ENOX1: variants seen among roughly 807,000 people sequenced by gnomAD.
ENOX1 encodes candidate growth-related and time keeping constitutive hydroquinone (NADH) oxidase.
Under a neutral mutation model 82.5 loss-of-function variants are expected in ENOX1, and 42 were observed. The ratio of observed to expected loss-of-function variants is 0.51; its 90% CI spans 0.40 to 0.66. The LOEUF (loss-of-function observed/expected upper bound fraction) is 0.66, where lower values mean the gene tolerates loss of function less well. Among genes scored for constraint, ENOX1 ranks in the 30% least tolerant of loss-of-function variants. The pLI is 0.00. For synonymous variants in ENOX1, 271 were observed against 282.2 expected (o/e 0.96, Z 0.40); for missense variants, 608 against 811.6 (o/e 0.75, Z 3.05).
intron 2 of ENOX1, among the ~76,000 whole-genome samples, chr13:43,651,501 G>A (rs2084167676): frequency 1.3e-5 from 2 of 151,394 alleles, no homozygotes; most frequent in South Asian, 4.2e-4. Context: ...TTCAAGATCA[G>A]CCTGGCCGAC....
intron 5 of ENOX1, among the ~76,000 whole-genome samples, chr13:43,383,853 C>G (rs1297053416): frequency 5.9e-5 from 9 of 152,202 alleles, no homozygotes; most frequent in Non-Finnish European, 4.4e-5. Context: ...TGGACACCAC[C>G]CTGCAGGTTA....
intron 3 of ENOX1, among the ~76,000 whole-genome samples, chr13:43,465,193 T>A (rs962232581): frequency 1.3e-5 from 2 of 152,200 alleles, no homozygotes; most frequent in African/African-American, 4.8e-5. Context: ...GAGGGTAAGC[T>A]TCACTATCTG....
intron 2 of ENOX1, among the ~76,000 whole-genome samples, chr13:43,635,652 A>T (rs1399467142): frequency 6.6e-6 from 1 of 152,176 alleles, no homozygotes; most frequent in East Asian, 1.9e-4. Context: ...AATATGATGT[A>T]TATCAGGATT....
intron 9 of ENOX1, among the ~76,000 whole-genome samples, chr13:43,344,094 G>A (rs1347570699): frequency 2.0e-5 from 3 of 152,212 alleles, no homozygotes; most frequent in Non-Finnish European, 2.9e-5. Flanking sequence ...AAGATCCTGA[G>A]GAGTTTTTCT....
At chr13:43,375,775 C>T (rs933427136) in intron 5 of ENOX1, among the ~76,000 whole-genome samples, 1 of 152,210 alleles carries the variant, frequency 6.6e-6, no homozygotes, top group South Asian at 2.1e-4. Context: ...GCCCCAGCCA[C>T]ACTTTCAATA....
chr13:43,286,524 G>T (rs1166033010), intron 12 of ENOX1, among the ~76,000 whole-genome samples: 1 of 152,172 alleles, frequency 6.6e-6, no homozygotes, highest in Non-Finnish European at 1.5e-5. Flanking sequence ...GCAAAAAGCA[G>T]AAGTCAAATG....
intron 1 of ENOX1, among the ~76,000 whole-genome samples, chr13:43,761,398 TGAAATTACTTCA>T (rs1317176089): frequency 6.6e-6 from 1 of 152,222 alleles, no homozygotes; most frequent in African/African-American, 2.4e-5. Flanking sequence ...CCAAACACCT[TGAAATTACTTCA>T]GATAAATGCA....
chr13:43,418,298 C>T lies in ENOX1; in HGVS notation c.-74-5310G>A, dbSNP rs746387054. On this transcript the variant is annotated intron_variant, in intron 3 of 16. Transcript: ENST00000690772. ...ATCCCAGCACTTTGGGAGGTGGAGG[C>T]GGGCCAATCACCTGAGGTCAGGTGT... Among the ~76,000 whole-genome samples the T allele has an allele frequency of 7.2e-5, 11 of 152,272 alleles. 1 individual carries two copies. The highest frequency in any genetic ancestry group is 3.9e-4 in the East Asian group (2 of 5,176).
At chr13:43,292,846 G>A (rs1223695558) in intron 12 of ENOX1, among the ~76,000 whole-genome samples, 2 of 151,502 alleles carry the variant, frequency 1.3e-5, no homozygotes, top group Non-Finnish European at 2.9e-5. Context: ...TACCATCACA[G>A]TCACCATTTC....
At chr13:43,732,474 T>C (rs2089402741) in intron 1 of ENOX1, among the ~76,000 whole-genome samples, 1 of 152,182 alleles carries the variant, frequency 6.6e-6, no homozygotes, top group Admixed American at 6.5e-5. Flanking sequence ...ACAATTCACT[T>C]CATTTTCTAC....
chr13:43,631,595 G>A (rs561726616), intron 2 of ENOX1, among the ~76,000 whole-genome samples: 1 of 152,226 alleles, frequency 6.6e-6, no homozygotes, highest in African/African-American at 2.4e-5. Flanking sequence ...AAGAACCCCT[G>A]TCTGCTAATT....
chr13:43,575,544 A>G (rs980007748), intron 2 of ENOX1, among the ~76,000 whole-genome samples: 19 of 152,324 alleles, frequency 1.2e-4, no homozygotes, highest in African/African-American at 4.3e-4. Context: ...AACTTGTTTT[A>G]TTAAACTGTT....
At chr13:43,477,337 T>TA (rs2058330430) in intron 3 of ENOX1, among the ~76,000 whole-genome samples, 1 of 152,066 alleles carries the variant, frequency 6.6e-6, no homozygotes, top group Admixed American at 6.6e-5. Context: ...GGTGAATACA[T>TA]ACGCTTTGCT....
At chr13:43,245,948 C>T (rs1044175859) in intron 14 of ENOX1, among the ~76,000 whole-genome samples, 17 of 152,196 alleles carry the variant, frequency 1.1e-4, no homozygotes, top group South Asian at 2.1e-4. Flanking sequence ...TTAAAATAGG[C>T]GAGAACTAGT....
At position 43,516,003 on chromosome 13, in the gene ENOX1, C is replaced by T. The variant is rs190570811; in HGVS notation, c.-218-31851G>A. Among the ~76,000 whole-genome samples the T allele has an allele frequency of 6.6e-5, 10 of 152,260 alleles. No homozygotes were observed. In the East Asian group the frequency reaches 1.9e-3, roughly 29 times the overall value. On this transcript the variant is annotated intron_variant, in intron 2 of 16. Coordinates refer to ENST00000690772, the MANE Select transcript of ENOX1 (RefSeq NM_001347969.2). ...ATTATACTAACCTATACCTGCAAATCTAAGCCTATTTTCCACAGGAAACTA... is the reference window on the plus strand; with the variant it reads ...ATTATACTAACCTATACCTGCAAATTTAAGCCTATTTTCCACAGGAAACTA...
chr13:43,362,156 T>TACACACACACACAC (rs10531058), intron 5 of ENOX1, among the ~76,000 whole-genome samples: 5 of 145,746 alleles, frequency 3.4e-5, no homozygotes, highest in African/African-American at 1.3e-4. Flanking sequence ...TGCCCTGTAT[T>TACACACACACACAC]ACACACACAC....
intron 2 of ENOX1, among the ~76,000 whole-genome samples, chr13:43,536,466 A>G (rs1036302137): frequency 3.9e-5 from 6 of 152,184 alleles, no homozygotes; most frequent in African/African-American, 1.4e-4. Context: ...TAATACAAAA[A>G]TCCCATACTT....
intron 5 of ENOX1, among the ~76,000 whole-genome samples, chr13:43,383,617 C>T (rs759634589): frequency 7.2e-5 from 11 of 152,052 alleles, no homozygotes; most frequent in South Asian, 6.2e-4. Context: ...TACTCAAAGG[C>T]GACAGACCCC....
chr13:43,670,215 G>A (rs1163987229), intron 1 of ENOX1, among the ~76,000 whole-genome samples: 4 of 152,080 alleles, frequency 2.6e-5, no homozygotes, highest in East Asian at 3.9e-4. Flanking sequence ...GAAGATTATC[G>A]TAATATAGAA....
Sources: gnomAD v4.1 joint callset for allele counts (sites outside exome capture counted in the v4.1 genomes callset) on GRCh38, gnomAD v4.1.1 for gene constraint, MANE v1.5 for transcripts, NCBI Gene and HGNC (gene_info 2026-07-23, HGNC 2026-07-21) for gene names.